The following AKR1C3 variants were observed in gnomAD, a reference collection of about 807,000 sequenced individuals.
The protein encoded by AKR1C3 is aldo-keto reductase family 1 member C3, also known as 3-alpha hydroxysteroid dehydrogenase, type II.
AKR1C3 carries 48 observed loss-of-function variants against 43.6 expected under a neutral mutation model. The observed-to-expected ratio is 1.10, with a 90% CI of 0.87 to 1.40. AKR1C3 has a LOEUF of 1.40. Among genes scored for constraint, AKR1C3 ranks in the 40% most tolerant of loss-of-function variants. The probability of loss-of-function intolerance (pLI) is 0.00; values close to 1 mark genes in which losing one functional copy is unlikely to be tolerated. For synonymous variants in AKR1C3, 162 were observed against 139.6 expected (o/e 1.16, Z -1.13); for missense variants, 482 against 391.2 (o/e 1.23, Z -1.96).
At chr10:5,071,770 T>G (rs2131804572) in intron 1 of AKR1C3, among the ~76,000 whole-genome samples, 1 of 152,318 alleles carries the variant, frequency 6.6e-6, no homozygotes, top group Middle Eastern at 3.4e-3. Context: ...CAACTTCCCT[T>G]AGTTCCAGTT....
At chr10:5,055,040 G>T (rs781926208) in intron 1 of AKR1C3, among the ~76,000 whole-genome samples, 2 of 152,240 alleles carry the variant, frequency 1.3e-5, no homozygotes, top group African/African-American at 4.8e-5. Flanking sequence ...AAGCATACTT[G>T]CTATCTGTAT....
chr10:5,083,074 ATT>A, intron 1 of AKR1C3, among the ~76,000 whole-genome samples: 1 of 64,730 alleles, frequency 1.5e-5, no homozygotes, highest in African/African-American at 6.4e-5. Context: ...TATTTTCTCT[ATT>A]TTTTTTTATT....
intron 1 of AKR1C3, among the ~76,000 whole-genome samples, chr10:5,072,356 T>C (rs1174214387): frequency 1.3e-5 from 2 of 152,200 alleles, no homozygotes; most frequent in African/African-American, 2.4e-5. Flanking sequence ...TCTAGGCAAA[T>C]GTAAGGGTCA....
chr10:5,060,843 C>T (rs1350260353), intron 1 of AKR1C3, among the ~76,000 whole-genome samples: 1 of 152,228 alleles, frequency 6.6e-6, no homozygotes, highest in Non-Finnish European at 1.5e-5. Flanking sequence ...GGGGAGACAG[C>T]TAAGGCCCGG....
intron 1 of AKR1C3, among the ~76,000 whole-genome samples, chr10:5,056,188 C>T (rs1294693166): frequency 1.3e-5 from 2 of 152,094 alleles, no homozygotes; most frequent in Admixed American, 6.5e-5. Flanking sequence ...TGGGCCAGTG[C>T]CTGACCAAAC....
intron 1 of AKR1C3, among the ~76,000 whole-genome samples, chr10:5,063,569 G>A (rs1554780463): frequency 6.6e-6 from 1 of 151,488 alleles, no homozygotes; most frequent in Non-Finnish European, 1.5e-5. Context: ...GCTGAGGCAG[G>A]CAGATCACTT....
At chr10:5,071,087 A>G (rs1420192220) in intron 1 of AKR1C3, among the ~76,000 whole-genome samples, 2 of 152,212 alleles carry the variant, frequency 1.3e-5, no homozygotes, top group African/African-American at 4.8e-5. Context: ...ATTTCCACTT[A>G]TTTACAGAGA....
chr10:5,072,146 T>G (rs1421844007), intron 1 of AKR1C3, among the ~76,000 whole-genome samples: 4 of 152,222 alleles, frequency 2.6e-5, no homozygotes, highest in Non-Finnish European at 4.4e-5. Context: ...GTTCTAGTAC[T>G]ATTGAGCAGC....
At chr10:5,091,223 T>C (rs955803406), upstream of AKR1C3, among the ~76,000 whole-genome samples, 2 of 152,040 alleles carry the variant, frequency 1.3e-5, no homozygotes, top group Non-Finnish European at 2.9e-5. Flanking sequence ...AAACTGATGA[T>C]GCAGGAAAGA....
At chr10:5,063,436 C>T (rs1177163199) in intron 1 of AKR1C3, among the ~76,000 whole-genome samples, 1 of 151,960 alleles carries the variant, frequency 6.6e-6, no homozygotes, top group African/African-American at 2.4e-5. Context: ...AATCACATAA[C>T]CTTACGAAAT....
chr10:5,083,009 T>C (rs1413530580), intron 1 of AKR1C3, among the ~76,000 whole-genome samples: 4 of 152,184 alleles, frequency 2.6e-5, no homozygotes, highest in Non-Finnish European at 5.9e-5. Context: ...CTGCTCTGGA[T>C]TTCTATTTCT....
chr10:5,088,058 C>G (rs1365778589), intron 1 of AKR1C3, among the ~76,000 whole-genome samples: 2 of 152,248 alleles, frequency 1.3e-5, no homozygotes, highest in Admixed American at 6.5e-5. Flanking sequence ...CTGTTGAATT[C>G]TGAATTTCAT....
intron 1 of AKR1C3, among the ~76,000 whole-genome samples, chr10:5,054,103 G>A (rs981373217): frequency 1.3e-5 from 2 of 152,150 alleles, no homozygotes; most frequent in Non-Finnish European, 1.5e-5. Flanking sequence ...TACTATCCCC[G>A]ACTGGTTAGT....
In AKR1C3 at chr10:5,107,483, C is replaced by T. The variant is rs1477251308; in HGVS notation, c.952C>T (p.Pro318Ser). ...SDSFASHPNY[P>S]YSDEY Reference sequence around the variant, plus strand: ...CAGTTTTGCTAGCCACCCTAATTATCCATATTCAGATGAATATTAACATGG... The same window carrying T: ...CAGTTTTGCTAGCCACCCTAATTATTCATATTCAGATGAATATTAACATGG... The change falls in exon 9 of 9, where the codon CCA (proline) becomes TCA (serine). Residue 318 changes from proline (P) to serine (S), a missense_variant. By Grantham distance (74) the Pro-to-Ser change is moderately conservative. Transcript: ENST00000380554. The T allele has an allele frequency of 1.3e-5, 20 of 1,586,332 alleles. No homozygotes were observed. In the East Asian group the frequency reaches 4.5e-4, roughly 35 times the overall value.
intron 7 of AKR1C3, among the ~76,000 whole-genome samples, chr10:5,105,011 A>C (rs1339396990): frequency 1.3e-5 from 2 of 151,694 alleles, no homozygotes; most frequent in African/African-American, 4.8e-5. Context: ...ATTCAATTCC[A>C]TGTGTTAGCA....
At chr10:5,063,139 CTATT>C (rs1838417195) in intron 1 of AKR1C3, among the ~76,000 whole-genome samples, 1 of 152,030 alleles carries the variant, frequency 6.6e-6, no homozygotes, top group African/African-American at 2.4e-5. Context: ...GAATTGTACT[CTATT>C]TTTCTTGAAG....
intron 2 of AKR1C3, among the ~76,000 whole-genome samples, chr10:5,097,166 A>T (rs1554785255): frequency 6.6e-6 from 1 of 152,180 alleles, no homozygotes; most frequent in African/African-American, 2.4e-5. Flanking sequence ...TAATTCAGGT[A>T]ACATCATAGT....
intron 1 of AKR1C3, among the ~76,000 whole-genome samples, chr10:5,071,223 T>C (rs1838607756): frequency 6.6e-6 from 1 of 152,230 alleles, no homozygotes; most frequent in Admixed American, 6.5e-5. Flanking sequence ...AAGGCCATAG[T>C]GATCTCATTG....
intron 1 of AKR1C3, among the ~76,000 whole-genome samples, chr10:5,054,088 T>C (rs1313897550): frequency 6.6e-6 from 1 of 152,238 alleles, no homozygotes; most frequent in African/African-American, 2.4e-5. Flanking sequence ...CCGGTTGGCA[T>C]CTTGTACTAT....
Sources: gnomAD v4.1 joint callset for allele counts (sites outside exome capture counted in the v4.1 genomes callset) on GRCh38, gnomAD v4.1.1 for gene constraint, MANE v1.5 for transcripts, NCBI Gene and HGNC (gene_info 2026-07-23, HGNC 2026-07-21) for gene names.